The following FUT8 variants were observed in gnomAD, a reference collection of about 807,000 sequenced individuals.
The protein encoded by FUT8 is alpha-(1,6)-fucosyltransferase.
FUT8 carries 29 observed loss-of-function variants against 71.3 expected under a neutral mutation model. The ratio of observed to expected loss-of-function variants is 0.41; its 90% confidence interval spans 0.30 to 0.55. The LOEUF (loss-of-function observed/expected upper bound fraction) is 0.55. Ranked by LOEUF, FUT8 falls within the 20% of genes least tolerant of loss-of-function variation. FUT8 has a pLI of 0.34. For missense variants in FUT8, 544 were observed against 702.1 expected (o/e 0.77, Z 2.55); for synonymous variants, 254 against 239.3 (o/e 1.06, Z -0.57).
chr14:65,597,110 C>G (rs1395869777), intron 3 of FUT8, among the ~76,000 whole-genome samples: 1 of 152,048 alleles, frequency 6.6e-6, no homozygotes, highest in Non-Finnish European at 1.5e-5. Context: ...TTTCATAGTA[C>G]AGATAAGGAA....
At chr14:65,458,260 G>C (rs959490951) in intron 2 of FUT8, 2 of 151,734 alleles carry the variant, frequency 1.3e-5, no homozygotes, top group African/African-American at 4.8e-5. Flanking sequence ...TCTTCCCTCA[G>C]TAGACCAGAA....
chr14:65,435,808 T>A (rs929201315), intron 1 of FUT8, among the ~76,000 whole-genome samples: 2 of 148,082 alleles, frequency 1.4e-5, no homozygotes, highest in African/African-American at 2.5e-5. Flanking sequence ...TTTTTTTTTT[T>A]AATTTTAGCT....
chr14:65,532,723 G>A (rs1204573187), intron 2 of FUT8, among the ~76,000 whole-genome samples: 1 of 152,116 alleles, frequency 6.6e-6, no homozygotes, highest in Admixed American at 6.5e-5. Context: ...CAGGTCCTAT[G>A]TTCAGAATGG....
the FUT8 span, among the ~76,000 whole-genome samples, chr14:65,384,753 G>A: frequency 2.0e-5 from 3 of 152,064 alleles, no homozygotes; most frequent in African/African-American, 4.8e-5. The surrounding 1 kb of genome is among the most constrained non-coding windows in gnomAD (Gnocchi z 4.2). Context: ...AGCCTCTGTC[G>A]GGAAGATTTG....
chr14:65,692,262 G>A (rs1291118450), intron 7 of FUT8, among the ~76,000 whole-genome samples: 10 of 148,980 alleles, frequency 6.7e-5, no homozygotes, highest in Non-Finnish European at 1.3e-4. Context: ...CAGATGGGGC[G>A]GCTGGCCGGG....
chr14:65,629,827 CGT>C (rs1196197902), intron 6 of FUT8, among the ~76,000 whole-genome samples: 1 of 81,004 alleles, frequency 1.2e-5, no homozygotes, highest in East Asian at 5.5e-4. Flanking sequence ...TTCTTACACA[CGT>C]ACACACACAC....
chr14:65,525,012 C>T (rs1883349377), intron 2 of FUT8, among the ~76,000 whole-genome samples: 1 of 151,674 alleles, frequency 6.6e-6, no homozygotes, highest in Non-Finnish European at 1.5e-5. Flanking sequence ...CTATGTTCAT[C>T]AGGGATATTC....
At chr14:65,656,221 CA>C (rs1259066640) in intron 6 of FUT8, among the ~76,000 whole-genome samples, 39 of 144,832 alleles carry the variant, frequency 2.7e-4, no homozygotes, top group African/African-American at 8.1e-4. Flanking sequence ...AAGACTCTTC[CA>C]AAAAAAAAAC....
chr14:65,401,184 A>G, the FUT8 span, among the ~76,000 whole-genome samples: 3 of 152,250 alleles, frequency 2.0e-5, no homozygotes, highest in East Asian at 5.8e-4. Flanking sequence ...ACTGACGCTG[A>G]ACTGAATTGC....
chr14:65,478,324 C>T, intron 2 of FUT8, among the ~76,000 whole-genome samples: 1 of 152,076 alleles, frequency 6.6e-6, no homozygotes, highest in East Asian at 1.9e-4. Context: ...AATCTGAAAT[C>T]CAAAACGTTC....
rs778590604 is a variant in FUT8, at chr14:65,721,806, C to T, written c.867C>T (p.Val289=). ...TGAAGGACAAAAATGTTCAAGTGGT[C>T]GAGCTTCCCATTGTAGACAGTCTTC... The part of the protein sequence containing the change: ...GEVKDKNVQV[V]ELPIVDSLHP... Residue 289 remains valine, a synonymous_variant, in exon 8 of 11, where the codon GTC becomes GTT. Transcript: ENST00000673929. 8.7e-6 allele frequency: 14 copies of T among 1,613,938 alleles called. No individual in the cohort carries two copies. The highest frequency in any genetic ancestry group is 4.5e-5 in the East Asian group (2 of 44,900).
At chr14:65,688,308 G>C (rs1332410381) in intron 7 of FUT8, among the ~76,000 whole-genome samples, 2 of 151,432 alleles carry the variant, frequency 1.3e-5, no homozygotes, top group African/African-American at 2.4e-5. Context: ...CCACAATTTT[G>C]CTTTTTCCAG....
At chr14:65,561,243 C>G in intron 2 of FUT8, 94 bp from the exon 3 acceptor site, 1 of 237,328 alleles carries the variant, frequency 4.2e-6, no homozygotes, top group Non-Finnish European at 8.3e-6. Flanking sequence ...AACTTGTTGG[C>G]CAGTCAACAC....
At chr14:65,443,630 A>AGACT (rs2065694983) in intron 1 of FUT8, among the ~76,000 whole-genome samples, 2 of 151,538 alleles carry the variant, frequency 1.3e-5, no homozygotes, top group Admixed American at 6.6e-5. Flanking sequence ...TAAAGCAAGA[A>AGACT]GACTGCTTGA....
chr14:65,478,034 G>C (rs554528959), intron 2 of FUT8, among the ~76,000 whole-genome samples: 1 of 152,106 alleles, frequency 6.6e-6, no homozygotes, highest in Non-Finnish European at 1.5e-5. Flanking sequence ...AACCAGGTCT[G>C]TAAAATGTTG....
intron 2 of FUT8, among the ~76,000 whole-genome samples, chr14:65,507,648 C>G (rs1428425337): frequency 6.6e-6 from 1 of 152,206 alleles, no homozygotes; most frequent in East Asian, 1.9e-4. Context: ...TCTTTTATGG[C>G]TGAATAGTAC....
At chr14:65,528,222 A>G (rs1354134275) in intron 2 of FUT8, among the ~76,000 whole-genome samples, 2 of 151,968 alleles carry the variant, frequency 1.3e-5, no homozygotes, top group African/African-American at 2.4e-5. Context: ...AGGCCTCTTT[A>G]TTTACCTACG....
At chr14:65,596,515 A>G (rs1172362544) in intron 3 of FUT8, among the ~76,000 whole-genome samples, 2 of 152,176 alleles carry the variant, frequency 1.3e-5, no homozygotes, top group Non-Finnish European at 2.9e-5. Flanking sequence ...CAGCTATTTT[A>G]ATGTTACTGA....
chr14:65,415,703 T>G (rs958459071), intron 1 of FUT8, among the ~76,000 whole-genome samples: 1 of 150,058 alleles, frequency 6.7e-6, no homozygotes, highest in African/African-American at 2.5e-5. Flanking sequence ...TTTTTTAAAG[T>G]AGAGATAATT....
Sources: gnomAD v4.1 joint callset for allele counts (sites outside exome capture counted in the v4.1 genomes callset) on GRCh38, gnomAD v4.1.1 for gene constraint, Gnocchi (gnomAD v3.1) non-coding constraint, MANE v1.5 for transcripts, NCBI Gene and HGNC (gene_info 2026-07-23, HGNC 2026-07-21) for gene names.